The following BRIP1 variants were observed in gnomAD, a reference collection of about 807,000 sequenced individuals.
BRIP1 encodes the protein BRCA1 interacting DNA helicase 1.
Under a neutral mutation model 119.7 loss-of-function variants are expected in BRIP1, and 88 were observed. The ratio of observed to expected loss-of-function variants is 0.74; its 90% confidence interval spans 0.62 to 0.88. The LOEUF (loss-of-function observed/expected upper bound fraction) is 0.88, where lower values mean the gene tolerates loss of function less well. Ranked by LOEUF, BRIP1 falls within the 40% of genes least tolerant of loss-of-function variation. The pLI, the probability that BRIP1 is intolerant of heterozygous loss-of-function variation, is 0.00. For missense variants in BRIP1, 1,259 were observed against 1,455.4 expected (o/e 0.87, Z 2.20); for synonymous variants, 443 against 496.5 (o/e 0.89, Z 1.43).
At position 61,805,826 on chromosome 17, in the gene BRIP1, A is replaced by G. The variant is rs1476997902; in HGVS notation, c.918+2641T>C. 6.6e-6 allele frequency among the ~76,000 whole-genome samples: 1 copy of G among 152,184 alleles called. No homozygotes were observed. Among genetic ancestry groups the G allele is most frequent in the Non-Finnish European group, 1.5e-5 (1 of 68,040 alleles). On this transcript the variant is annotated intron_variant, in intron 7 of 19. Transcript: ENST00000259008. The surrounding 1 kb of genome is among the most constrained non-coding windows in gnomAD (Gnocchi z 5.6). ...CATACAATTCTGAAAGCTTACCTTT[A>G]TACAAAATGATCACTAAAGTGCCTT...
Position 61,753,634 on chromosome 17 carries a change from C to T in BRIP1, c.2098-9043G>A, listed in dbSNP as rs1418041409. ...TTTTTTTTTTAGAGATGGGATCTCA[C>T]TCTGTTGCTCAGGCTGAAGTGCAGT... On this transcript the variant is annotated intron_variant, in intron 14 of 19. Coordinates refer to ENST00000259008, the MANE Select transcript of BRIP1 (RefSeq NM_032043.3). This position sits in a 1 kb window ranked among gnomAD's most constrained non-coding sequence, Gnocchi z 4.6. Among the ~76,000 whole-genome samples the T allele has an allele frequency of 1.3e-5, 2 of 150,392 alleles. No individual in the cohort carries two copies. The highest frequency in any genetic ancestry group is 4.9e-5 in the African/African-American group (2 of 40,862).
In BRIP1 at chr17:61,753,507, G is replaced by C. The variant is rs909506004; in HGVS notation, c.2098-8916C>G. Among the ~76,000 whole-genome samples, 1 of 151,584 alleles carries C rather than the reference G, an allele frequency of 6.6e-6. No individual in the cohort carries two copies. Among genetic ancestry groups the C allele is most frequent in the Non-Finnish European group, 1.5e-5 (1 of 67,920 alleles). Reference sequence around the variant, plus strand: ...TATATATTAGGAAAGCATGACAAAAGATAAAACTAAAAAAGAATGTATAGA... The same window carrying C: ...TATATATTAGGAAAGCATGACAAAACATAAAACTAAAAAAGAATGTATAGA... On this transcript the variant is annotated intron_variant, in intron 14 of 19. Coordinates refer to ENST00000259008, the MANE Select transcript of BRIP1 (RefSeq NM_032043.3). The surrounding 1 kb of genome is among the most constrained non-coding windows in gnomAD (Gnocchi z 4.6).
At chr17:61,811,184 T>G (rs1022775874) in intron 6 of BRIP1, among the ~76,000 whole-genome samples, 2 of 152,178 alleles carry the variant, frequency 1.3e-5, no homozygotes, top group Admixed American at 1.3e-4. Context: ...TGAACTTAAG[T>G]AGACTCCTCA....
chr17:61,841,891 G>A lies in BRIP1; in HGVS notation c.627+5210C>T, dbSNP rs149520206. The stretch of plus-strand genomic sequence containing the variant: ...AGATGGGGTTCTCGCTATGTTGCCG[G>A]GGCTGGTCTCAAACTCCTGGCCTGA... On this transcript the variant is annotated intron_variant, in intron 6 of 19. Transcript: ENST00000259008. This position sits in a 1 kb window ranked among gnomAD's most constrained non-coding sequence, Gnocchi z 4.1. Among the ~76,000 whole-genome samples the A allele has an allele frequency of 4.3e-3, 660 of 152,056 alleles. 6 individuals are homozygous for A. The highest frequency in any genetic ancestry group is 0.015 in the African/African-American group (628 of 41,480).
At chr17:61,840,355 CAAA>C (rs11334899) in intron 6 of BRIP1, among the ~76,000 whole-genome samples, 3 of 105,092 alleles carry the variant, frequency 2.9e-5, no homozygotes, top group African/African-American at 3.7e-5. Context: ...GACTCCGTCT[CAAA>C]AAAAAAAAAA....
chr17:61,711,233 A>T (rs1470698116), intron 17 of BRIP1, among the ~76,000 whole-genome samples: 1 of 152,148 alleles, frequency 6.6e-6, no homozygotes, highest in Non-Finnish European at 1.5e-5. Context: ...TGGTTTCTTG[A>T]AATTCAAGGC....
At chr17:61,721,747 A>AAGTGC (rs1360476522) in intron 16 of BRIP1, among the ~76,000 whole-genome samples, 4 of 130,096 alleles carry the variant, frequency 3.1e-5, no homozygotes, top group African/African-American at 9.0e-5. Context: ...ACCCAGGCTG[A>AAGTGC]AGTGCAGTGG....
intron 17 of BRIP1, among the ~76,000 whole-genome samples, chr17:61,697,008 G>C (rs1462355068): frequency 2.0e-5 from 3 of 146,956 alleles, no homozygotes; most frequent in African/African-American, 5.0e-5. Flanking sequence ...AAAAAAGGGG[G>C]GGGGAAGTGT....
chr17:61,779,813 C>A (rs970974956), intron 13 of BRIP1, among the ~76,000 whole-genome samples: 3 of 151,910 alleles, frequency 2.0e-5, no homozygotes, highest in African/African-American at 7.3e-5. Flanking sequence ...AAAAATTAGC[C>A]AGGCGTGCGG....
At chr17:61,820,133 G>A (rs2078298564) in intron 6 of BRIP1, among the ~76,000 whole-genome samples, 1 of 151,760 alleles carries the variant, frequency 6.6e-6, no homozygotes, top group African/African-American at 2.4e-5. Context: ...TGACTATTTG[G>A]GGAAAAAAAT....
Position 61,736,959 on chromosome 17 carries a change from A to C in BRIP1, c.2379+6054T>G, listed in dbSNP as rs1437919546. Among the ~76,000 whole-genome samples, 5 of 152,200 alleles carry C rather than the reference A, an allele frequency of 3.3e-5. No homozygotes were observed. Among genetic ancestry groups the C allele is most frequent in the Non-Finnish European group, 7.4e-5 (5 of 68,006 alleles). On this transcript the variant is annotated intron_variant, in intron 16 of 19. Coordinates refer to ENST00000259008, the MANE Select transcript of BRIP1 (RefSeq NM_032043.3). The surrounding 1 kb of genome is among the most constrained non-coding windows in gnomAD (Gnocchi z 4.4). ...GGCAAATGCATAAAAACAATAATTA[A>C]AAACTAACAGCCACACAAAGTATAA...
rs2144094524 is a variant in BRIP1, at chr17:61,684,146, A to T, written c.2906-6T>A. 1 of 1,612,674 alleles carries T rather than the reference A, an allele frequency of 6.2e-7. No homozygotes were observed. The highest frequency in any genetic ancestry group is 1.1e-5 in the South Asian group (1 of 90,544). On this transcript the variant is annotated splice_polypyrimidine_tract_variant and splice_region_variant and intron_variant, in intron 19 of 19. Transcript: ENST00000259008. The surrounding 1 kb of genome is among the most constrained non-coding windows in gnomAD (Gnocchi z 4.5). The stretch of plus-strand genomic sequence containing the variant: ...TTCCAGGAATACTGGATCATCTAAG[A>T]ATACAAGAATTTAAGAGATTTAACT...
rs2078670547 is a variant in BRIP1 at position 61,842,413 on chromosome 17, C to A, written c.627+4688G>T. ...AAATATGGTTAACAATAATTTCTTA[C>A]ATATTTTCAAAAAGCTGTAAGAGAG... On this transcript the variant is annotated intron_variant, in intron 6 of 19. Coordinates refer to ENST00000259008, the MANE Select transcript of BRIP1 (RefSeq NM_032043.3). This position sits in a 1 kb window ranked among gnomAD's most constrained non-coding sequence, Gnocchi z 5.1. 6.6e-6 allele frequency among the ~76,000 whole-genome samples: 1 copy of A among 152,040 alleles called. No homozygotes were observed. The highest frequency in any genetic ancestry group is 2.4e-5 in the African/African-American group (1 of 41,398).
At chr17:61,771,406 T>C (rs972081826) in intron 14 of BRIP1, among the ~76,000 whole-genome samples, 1 of 152,200 alleles carries the variant, frequency 6.6e-6, no homozygotes, top group South Asian at 2.1e-4. Context: ...AGAATTTGAA[T>C]AGGCATTTCT....
At position 61,722,504 on chromosome 17, in the gene BRIP1, AT is replaced by A. The variant is rs1313085277; in HGVS notation, c.2380-6442del. ...TTAAAATTCTGTCCAGCTGGGAAAAATATATGTATTTCCTACCTATCTCTCA... is the reference window on the plus strand; with the variant it reads ...TTAAAATTCTGTCCAGCTGGGAAAAAATATGTATTTCCTACCTATCTCTCA... On this transcript the variant is annotated intron_variant, in intron 16 of 19. Transcript: ENST00000259008. The surrounding 1 kb of genome is among the most constrained non-coding windows in gnomAD (Gnocchi z 4.6). 6.6e-6 allele frequency among the ~76,000 whole-genome samples: 1 copy of A among 152,226 alleles called. No individual in the cohort carries two copies. The highest frequency in any genetic ancestry group is 1.5e-5 in the Non-Finnish European group (1 of 68,034).
rs1346868669 is a variant in BRIP1, at chr17:61,778,093, C to T, written c.1936-1531G>A. On this transcript the variant is annotated intron_variant, in intron 13 of 19. Coordinates refer to ENST00000259008, the MANE Select transcript of BRIP1 (RefSeq NM_032043.3). This position sits in a 1 kb window ranked among gnomAD's most constrained non-coding sequence, Gnocchi z 4.4. ...AAATATATATATTATAAATCACAGG[C>T]ATATACACACAAGAAACATTATTCA... Among the ~76,000 whole-genome samples, 2 of 152,124 alleles carry T rather than the reference C, an allele frequency of 1.3e-5. No homozygotes were observed. Among genetic ancestry groups the T allele is most frequent in the African/African-American group, 4.8e-5 (2 of 41,418 alleles).
rs1353013668 is a variant in BRIP1 at position 61,717,675 on chromosome 17, G to GT, written c.2380-1613dup. On this transcript the variant is annotated intron_variant, in intron 16 of 19. Transcript: ENST00000259008. The surrounding 1 kb of genome is among the most constrained non-coding windows in gnomAD (Gnocchi z 4.1). ...GTGCTGTTGTGTGTATTTTGCTTGC[G>GT]TTTTTATTAAGCTTCTTGGACCTGT... 6.6e-6 allele frequency among the ~76,000 whole-genome samples: 1 copy of GT among 151,872 alleles called. No homozygotes were observed. Among genetic ancestry groups the GT allele is most frequent in the African/African-American group, 2.4e-5 (1 of 41,344 alleles).
chr17:61,704,520 A>G lies in BRIP1; in HGVS notation c.2493-11008T>C, dbSNP rs1461085594. On this transcript the variant is annotated intron_variant, in intron 17 of 19. Transcript: ENST00000259008. This position sits in a 1 kb window ranked among gnomAD's most constrained non-coding sequence, Gnocchi z 5.7. Reference sequence around the variant, plus strand: ...TAAATTGAGAAGGATTACATCTTCTATTTTTTAGAAGAGATCTTGTAAAAT... The same window carrying G: ...TAAATTGAGAAGGATTACATCTTCTGTTTTTTAGAAGAGATCTTGTAAAAT... 3.3e-5 allele frequency among the ~76,000 whole-genome samples: 5 copies of G among 152,012 alleles called. No homozygotes were observed. Among genetic ancestry groups the G allele is most frequent in the Non-Finnish European group, 7.4e-5 (5 of 67,960 alleles).
At position 61,794,679 on chromosome 17, in the gene BRIP1, T is replaced by C. The variant is rs1336216391; in HGVS notation, c.1341-950A>G. On this transcript the variant is annotated intron_variant, in intron 9 of 19. Transcript: ENST00000259008. This position sits in a 1 kb window ranked among gnomAD's most constrained non-coding sequence, Gnocchi z 4.3. Reference sequence around the variant, plus strand: ...CAAACCTGCACATGTACCCCTGAACTTAAAAGTTAAAAAAAAAAGTTCTAA... The same window carrying C: ...CAAACCTGCACATGTACCCCTGAACCTAAAAGTTAAAAAAAAAAGTTCTAA... Among the ~76,000 whole-genome samples the C allele has an allele frequency of 6.6e-6, 1 of 151,062 alleles. No homozygotes were observed. The highest frequency in any genetic ancestry group is 1.5e-5 in the Non-Finnish European group (1 of 67,752).
Sources: gnomAD v4.1 joint callset for allele counts (sites outside exome capture counted in the v4.1 genomes callset) on GRCh38, gnomAD v4.1.1 for gene constraint, Gnocchi (gnomAD v3.1) non-coding constraint, MANE v1.5 for transcripts, NCBI Gene and HGNC (gene_info 2026-07-23, HGNC 2026-07-21) for gene names.